AMACR: variants seen among roughly 807,000 people sequenced by gnomAD.
AMACR encodes alpha-methylacyl-CoA racemase.
A neutral mutation model predicts 22.2 loss-of-function variants in AMACR; 18 were observed. The observed-to-expected ratio is 0.81, with a 90% confidence interval of 0.56 to 1.20. AMACR has a LOEUF of 1.20. Ranked by LOEUF, AMACR falls within the 50% of genes most tolerant of loss-of-function variation. The probability of loss-of-function intolerance (pLI) is 0.00; values close to 1 mark genes in which losing one functional copy is unlikely to be tolerated. For synonymous variants in AMACR, 213 were observed against 191.3 expected (o/e 1.11, Z -0.94); for missense variants, 499 against 490.6 (o/e 1.02, Z -0.16).
chr5:33,998,234 G>T (rs575227283), intron 4 of AMACR, among the ~76,000 whole-genome samples: 1 of 152,200 alleles, frequency 6.6e-6, no homozygotes, highest in Non-Finnish European at 1.5e-5. Context: ...ATGCTCTGGT[G>T]ACTTCTGACA....
At chr5:33,993,775 T>C (rs1402954064) in intron 4 of AMACR, among the ~76,000 whole-genome samples, 2 of 152,064 alleles carry the variant, frequency 1.3e-5, no homozygotes, top group Non-Finnish European at 2.9e-5. Context: ...GGTGGGCACC[T>C]GTAATCCCAG....
In AMACR at chr5:33,993,939, A is replaced by G. The variant is rs1208088626; in HGVS notation, c.740-4437T>C. 1.5e-5 allele frequency: 6 copies of G among 394,488 alleles called. 1 individual carries two copies. The Admixed American group carries it at 1.6e-4, about 10-fold the overall frequency. 24.4% of individuals were successfully genotyped at this position (394,488 alleles called of 1,614,324 possible). A position where few individuals can be genotyped will look rare whatever the true frequency, so the allele number is the denominator to read the frequency against. ...ATAAAACAGCTTTTGAAAATTATCTATTGCTTACCTGATTGTACTATAAGA... is the reference window on the plus strand; with the variant it reads ...ATAAAACAGCTTTTGAAAATTATCTGTTGCTTACCTGATTGTACTATAAGA... On this transcript the variant is annotated intron_variant, in intron 4 of 4. Transcript: ENST00000335606.
intron 4 of AMACR, chr5:33,996,936 G>T (rs1753655142): frequency 3.9e-6 from 2 of 518,982 alleles, no homozygotes; most frequent in East Asian, 3.1e-5. Context: ...AACAAGCCCA[G>T]GACTGAGGGA....
rs1203405298 is a variant in AMACR, at chr5:33,987,022, TA to T, written c.*2070del. 2.0e-5 allele frequency: 3 copies of T among 152,058 alleles called. No homozygotes were observed. The highest frequency in any genetic ancestry group is 4.4e-5 in the Non-Finnish European group (3 of 68,014). 9.4% of individuals were successfully genotyped at this position (152,058 alleles called of 1,614,324 possible). ...ACATCTTTTTTATTATTATTATTTT[TA>T]TTTATTTATTTAGAGACAGGTTCTT... On this transcript the variant is annotated 3_prime_UTR_variant, in exon 5 of 5. Transcript: ENST00000335606.
At position 34,005,883 on chromosome 5, in the gene AMACR, GAGTTTCTCC is replaced by G. The variant is rs1328714647; in HGVS notation, c.255_263del (p.Met85_Leu88delinsIle). On this transcript the variant is annotated inframe_deletion, in exon 2 of 5. Coordinates refer to ENST00000335606, the MANE Select transcript of AMACR (RefSeq NM_014324.6). Reference sequence around the variant, plus strand: ...GCTGCAGAATCTCTGGGCCCAGCTGGAGTTTCTCCATGACACCTTAAGAGAAAAGTAACG... The same window carrying G: ...GCTGCAGAATCTCTGGGCCCAGCTGGATGACACCTTAAGAGAAAAGTAACG... 15 of 1,614,030 alleles carry G rather than the reference GAGTTTCTCC, an allele frequency of 9.3e-6. No homozygotes were observed. The highest frequency in any genetic ancestry group is 1.2e-5 in the Non-Finnish European group (14 of 1,180,036).
At chr5:33,989,576 A>G (rs1406734359) in intron 4 of AMACR, 74 bp from the exon 5 acceptor site, 1 of 1,233,662 alleles carries the variant, frequency 8.1e-7, no homozygotes, top group African/African-American at 1.5e-5. Flanking sequence ...ATGAATGCTG[A>G]GCCCACTGTA....
rs751406144 is a variant in AMACR at position 34,007,962 on chromosome 5, A to G, written c.58T>C (p.Cys20Arg). The change falls in exon 1 of 5, where the codon TGT (cysteine) becomes CGT (arginine). Residue 20 changes from cysteine to arginine, a missense_variant. Transcript: ENST00000335606. Reference sequence around the variant, plus strand: ...CCGAAGTCAGCCAGGACCATAGCACAGAACGGGCCCGGGGCCAGGCCGGAC... The same window carrying G: ...CCGAAGTCAGCCAGGACCATAGCACGGAACGGGCCCGGGGCCAGGCCGGAC... The part of the protein sequence containing the change: ...ELSGLAPGPF[C>R]AMVLADFGAR... 2 of 1,611,450 alleles carry G rather than the reference A, an allele frequency of 1.2e-6. No homozygotes were observed. The highest frequency in any genetic ancestry group is 3.3e-5 in the Admixed American group (2 of 59,980).
In AMACR at chr5:33,989,191, C is replaced by T. The variant is rs761488582; in HGVS notation, c.1051G>A (p.Glu351Lys). ...KRDPFIGEHT[E>K]EILEEFGFSR... ...AATCCAAATTCTTCAAGTATCTCCT[C>T]AGTGTGTTCTCCTATGAAAGGATCC... is the stretch of plus-strand genomic sequence containing the variant. Residue 351 changes from glutamate (E) to lysine (K), a missense_variant, in exon 5 of 5, where the codon GAG (glutamate) becomes AAG (lysine). Physicochemically the swap from Glu to Lys is moderately conservative, Grantham distance 56 (BLOSUM62 1). Coordinates refer to ENST00000335606, the MANE Select transcript of AMACR (RefSeq NM_014324.6). The T allele has an allele frequency of 6.8e-6, 11 of 1,614,084 alleles. No individual in the cohort carries two copies. Among genetic ancestry groups the T allele is most frequent in the Non-Finnish European group, 8.5e-6 (10 of 1,180,038 alleles).
At chr5:33,990,294 T>G (rs936644949) in intron 4 of AMACR, among the ~76,000 whole-genome samples, 2 of 152,242 alleles carry the variant, frequency 1.3e-5, no homozygotes, top group Non-Finnish European at 2.9e-5. Flanking sequence ...CAGAAACTTA[T>G]TAGCCGCCAG....
At chr5:33,997,420 G>A in intron 4 of AMACR, 1 of 778,030 alleles carries the variant, frequency 1.3e-6, no homozygotes, top group Non-Finnish European at 2.4e-6. Flanking sequence ...CATGACTTGG[G>A]CTGCAACGAT....
chr5:33,992,879 ATT>A (rs1483915196), intron 4 of AMACR, among the ~76,000 whole-genome samples: 1 of 152,040 alleles, frequency 6.6e-6, no homozygotes, highest in Non-Finnish European at 1.5e-5. Flanking sequence ...ATAATTTTAA[ATT>A]GTTATTTCAT....
chr5:34,003,005 G>C (rs1753864533), intron 3 of AMACR, among the ~76,000 whole-genome samples: 1 of 152,170 alleles, frequency 6.6e-6, no homozygotes, highest in Non-Finnish European at 1.5e-5. Context: ...ATTTTGTGAA[G>C]ATCAGCCAGG....
chr5:34,004,695 T>C lies in AMACR; in HGVS notation c.431A>G (p.Tyr144Cys). 6.2e-7 allele frequency: 1 copy of C among 1,614,218 alleles called. No individual in the cohort carries two copies. The highest frequency in any genetic ancestry group is 2.2e-5 in the East Asian group (1 of 44,880). ...GTCAGCCAGGAGATTCAGCGGGGCATACGGATTCTCACCACTTCTGCCAAT... is the reference window on the plus strand; with the variant it reads ...GTCAGCCAGGAGATTCAGCGGGGCACACGGATTCTCACCACTTCTGCCAAT... ...SKIGRSGENP[Y>C]APLNLLADFA... Residue 144 changes from tyrosine (Y) to cysteine (C), a missense_variant, in exon 3 of 5, where the codon TAT becomes TGT. Coordinates refer to ENST00000335606, the MANE Select transcript of AMACR (RefSeq NM_014324.6).
At position 34,005,858 on chromosome 5, in the gene AMACR, G is replaced by C. The variant is rs757072374; in HGVS notation, c.289C>G (p.Arg97Gly). The C allele has an allele frequency of 1.2e-6, 2 of 1,614,060 alleles. No individual in the cohort carries two copies. The highest frequency in any genetic ancestry group is 1.1e-5 in the South Asian group (1 of 91,078). ...KLQLGPEILQ[R>G]ENPRLIYARL... ...GCATAAATAAGCCTTGGATTTTCCC[G>C]CTGCAGAATCTCTGGGCCCAGCTGG... The change falls in exon 2 of 5, where the codon CGG becomes GGG. Residue 97 changes from arginine to glycine, a missense_variant. Arg to Gly is a moderately radical substitution (Grantham distance 125). Transcript: ENST00000335606.
In AMACR at chr5:34,008,036, C is replaced by G. The variant is rs1400444488; in HGVS notation, c.-17G>C. On this transcript the variant is annotated 5_prime_UTR_variant, in exon 1 of 5. Transcript: ENST00000335606. Reference sequence around the variant, plus strand: ...CAGTGCCATGGCGCTTCCCAGTGCCCCGCTGAAGGAAACTGAGCAGCCCTT... The same window carrying G: ...CAGTGCCATGGCGCTTCCCAGTGCCGCGCTGAAGGAAACTGAGCAGCCCTT... 1 of 1,608,674 alleles carries G rather than the reference C, an allele frequency of 6.2e-7. No homozygotes were observed. The highest frequency in any genetic ancestry group is 2.2e-5 in the East Asian group (1 of 44,864).
At chr5:34,005,467 C>T (rs1334965951) in intron 2 of AMACR, among the ~76,000 whole-genome samples, 2 of 152,116 alleles carry the variant, frequency 1.3e-5, no homozygotes, top group Non-Finnish European at 2.9e-5. Context: ...ACCCAGTAAG[C>T]CTCTTAATTC....
Position 33,989,477 on chromosome 5 carries a change from A to G in AMACR, c.765T>C (p.Leu255=), listed in dbSNP as rs1753409961. ...IKGLGLKSDE[L]PNQMSMDDWP... Reference sequence around the variant, plus strand: ...AATCATCCATGCTCATCTGATTGGGAAGTTCATCAGACTTTAGTCCAAGTC... The same window carrying G: ...AATCATCCATGCTCATCTGATTGGGGAGTTCATCAGACTTTAGTCCAAGTC... The change falls in exon 5 of 5, where the codon CTT becomes CTC. Residue 255 remains leucine, a synonymous_variant. Transcript: ENST00000335606. The G allele has an allele frequency of 1.2e-6, 2 of 1,614,188 alleles. No homozygotes were observed. The highest frequency in any genetic ancestry group is 3.3e-5 in the Admixed American group (2 of 60,022).
intron 1 of AMACR, among the ~76,000 whole-genome samples, chr5:34,007,372 A>G (rs1468320914): frequency 1.3e-5 from 2 of 152,132 alleles, no homozygotes; most frequent in Non-Finnish European, 2.9e-5. Flanking sequence ...AGGGTACAGC[A>G]CTCCAAAACG....
intron 4 of AMACR, among the ~76,000 whole-genome samples, chr5:33,994,846 GA>G (rs969505709): frequency 2.0e-5 from 3 of 152,184 alleles, no homozygotes; most frequent in Non-Finnish European, 2.9e-5. Context: ...TTGGAGCAAT[GA>G]CCCTGCTAGA....
Sources: gnomAD v4.1 joint callset for allele counts (sites outside exome capture counted in the v4.1 genomes callset) on GRCh38, gnomAD v4.1.1 for gene constraint, MANE v1.5 for transcripts, NCBI Gene and HGNC (gene_info 2026-07-23, HGNC 2026-07-21) for gene names.